The following KCND2 variants were observed in gnomAD, a reference collection of about 807,000 sequenced individuals.
KCND2 encodes the protein potassium voltage-gated channel subfamily D member 2.
In KCND2, 16 loss-of-function variants were observed where a neutral mutation model predicts 54.4. The ratio of observed to expected loss-of-function variants is 0.29; its 90% CI spans 0.20 to 0.45. The LOEUF is 0.45. KCND2 is among the 20% of genes least tolerant of loss of function. The pLI, the probability that KCND2 is intolerant of heterozygous loss-of-function variation, is 1.00. For synonymous variants in KCND2, 317 were observed against 310.7 expected, an observed-to-expected ratio of 1.02 and a Z score of -0.21; for missense variants, 486 against 824.2, an observed-to-expected ratio of 0.59 and a Z score of 5.02.
intron 1 of KCND2, among the ~76,000 whole-genome samples, chr7:120,336,229 A>G (rs1385033135): frequency 1.3e-5 from 2 of 152,224 alleles, no homozygotes; most frequent in African/African-American, 4.8e-5. Flanking sequence ...ACATTTTCAA[A>G]TCTGAGCATC....
intron 1 of KCND2, among the ~76,000 whole-genome samples, chr7:120,442,994 G>C (rs996871339): frequency 6.6e-6 from 1 of 152,074 alleles, no homozygotes; most frequent in Non-Finnish European, 1.5e-5. Context: ...GCAGGTATGT[G>C]CTTGAATTTG....
At position 120,600,048 on chromosome 7, in the gene KCND2, A is replaced by T. The variant is rs1792795196; in HGVS notation, c.1116-132855A>T. 2.0e-5 allele frequency among the ~76,000 whole-genome samples: 3 copies of T among 151,870 alleles called. No homozygotes were observed. In the South Asian group the frequency reaches 6.2e-4, roughly 32 times the overall value. ...TTTCCCTGCATCTAGTAAGATTATC[A>T]TATTTTCTTTTTTTAATTTAGTCTA... On this transcript the variant is annotated intron_variant, in intron 1 of 5. Coordinates refer to ENST00000331113, the MANE Select transcript of KCND2 (RefSeq NM_012281.3).
chr7:120,390,759 G>A (rs889511302), intron 1 of KCND2, among the ~76,000 whole-genome samples: 1 of 151,742 alleles, frequency 6.6e-6, no homozygotes, highest in African/African-American at 2.4e-5. Flanking sequence ...TATATAATTT[G>A]TCATTCCCTG....
intron 1 of KCND2, among the ~76,000 whole-genome samples, chr7:120,448,918 C>T (rs1563049405): frequency 6.6e-6 from 1 of 152,174 alleles, no homozygotes; most frequent in Non-Finnish European, 1.5e-5. Context: ...AATATAGTGA[C>T]ATTCTGCTAC....
chr7:120,329,416 A>C (rs1313537052), intron 1 of KCND2, among the ~76,000 whole-genome samples: 1 of 151,924 alleles, frequency 6.6e-6, no homozygotes, highest in Non-Finnish European at 1.5e-5. Flanking sequence ...ATACCCACTC[A>C]TACCTTCTGA....
At chr7:120,584,616 T>C (rs1792568548) in intron 1 of KCND2, among the ~76,000 whole-genome samples, 2 of 152,208 alleles carry the variant, frequency 1.3e-5, no homozygotes, top group Admixed American at 6.5e-5. Context: ...TCAGAAAGAT[T>C]CCTCGAACTC....
intron 4 of KCND2, among the ~76,000 whole-genome samples, chr7:120,743,946 A>G (rs1792973396): frequency 6.6e-6 from 1 of 152,188 alleles, no homozygotes; most frequent in Non-Finnish European, 1.5e-5. Flanking sequence ...GATAAATTTG[A>G]AAGTTAAATG....
At chr7:120,484,873 C>A (rs1802670913) in intron 1 of KCND2, among the ~76,000 whole-genome samples, 1 of 151,946 alleles carries the variant, frequency 6.6e-6, no homozygotes, top group Non-Finnish European at 1.5e-5. Flanking sequence ...AGGAAGTAAT[C>A]CTTCATTTAA....
At chr7:120,294,057 A>G (rs548232880) in intron 1 of KCND2, among the ~76,000 whole-genome samples, 5 of 152,098 alleles carry the variant, frequency 3.3e-5, no homozygotes, top group African/African-American at 7.2e-5. Flanking sequence ...TAAGATTTCT[A>G]ATTGAAGTCA....
intron 1 of KCND2, among the ~76,000 whole-genome samples, chr7:120,413,486 G>A (rs906175023): frequency 2.0e-5 from 3 of 151,692 alleles, no homozygotes; most frequent in African/African-American, 7.3e-5. Flanking sequence ...CAATATTTGT[G>A]TTCAAAATAT....
chr7:120,646,254 A>G (rs1378325897), intron 1 of KCND2, among the ~76,000 whole-genome samples: 3 of 152,194 alleles, frequency 2.0e-5, no homozygotes, highest in East Asian at 1.9e-4. Context: ...CATCTCTGCA[A>G]CAACATTGCT....
intron 1 of KCND2, among the ~76,000 whole-genome samples, chr7:120,507,237 A>G (rs532101056): frequency 6.5e-4 from 94 of 144,412 alleles, no homozygotes; most frequent in African/African-American, 2.4e-3. Context: ...GAGAAGCTAG[A>G]TATATAACAT....
At chr7:120,396,395 A>G (rs181724150) in intron 1 of KCND2, among the ~76,000 whole-genome samples, 19 of 152,150 alleles carry the variant, frequency 1.2e-4, no homozygotes, top group Admixed American at 1.2e-3. Flanking sequence ...TGTCCATGCC[A>G]CACTCCTAAT....
At chr7:120,414,865 GCTTCTCTCACC>G in intron 1 of KCND2, among the ~76,000 whole-genome samples, 1 of 152,130 alleles carries the variant, frequency 6.6e-6, no homozygotes, top group South Asian at 2.1e-4. Context: ...TGATTCATTA[GCTTCTCTCACC>G]CTTCCCTTCT....
chr7:120,525,351 C>T (rs906849654), intron 1 of KCND2, among the ~76,000 whole-genome samples: 3 of 152,266 alleles, frequency 2.0e-5, no homozygotes, highest in Admixed American at 6.5e-5. Context: ...GCAACTTACC[C>T]GCTTTGAACC....
At chr7:120,417,108 A>G (rs1336260882) in intron 1 of KCND2, among the ~76,000 whole-genome samples, 1 of 152,194 alleles carries the variant, frequency 6.6e-6, no homozygotes, top group Non-Finnish European at 1.5e-5. Context: ...CAGTCTCCCA[A>G]AGTGCTGGGA....
intron 1 of KCND2, among the ~76,000 whole-genome samples, chr7:120,365,695 A>G (rs1800666518): frequency 6.6e-6 from 1 of 152,118 alleles, no homozygotes; most frequent in African/African-American, 2.4e-5. Context: ...TTTGACGTGC[A>G]TGGTTAAGGT....
At chr7:120,464,730 T>G (rs1249687008) in intron 1 of KCND2, among the ~76,000 whole-genome samples, 2 of 152,194 alleles carry the variant, frequency 1.3e-5, no homozygotes, top group Non-Finnish European at 1.5e-5. Flanking sequence ...GCTGTAGGTC[T>G]GAGGTCTTTG....
At chr7:120,406,658 G>A (rs1320066545) in intron 1 of KCND2, among the ~76,000 whole-genome samples, 2 of 151,998 alleles carry the variant, frequency 1.3e-5, no homozygotes, top group Non-Finnish European at 2.9e-5. Flanking sequence ...TGCTTTACTG[G>A]AGAGGTGAGA....
Sources: allele counts gnomAD v4.1 joint callset (sites outside exome capture counted in the v4.1 genomes callset), GRCh38; gene constraint gnomAD v4.1.1; transcripts MANE v1.5; gene names NCBI Gene and HGNC (gene_info 2026-07-23, HGNC 2026-07-21).